SV2C: variants seen among roughly 807,000 people sequenced by gnomAD.
The protein encoded by SV2C is synaptic vesicle glycoprotein 2C.
In SV2C, 49 loss-of-function variants were observed where a neutral mutation model predicts 79.7. The observed-to-expected ratio is 0.61, with a 90% CI of 0.49 to 0.78. SV2C has a LOEUF of 0.78. Ranked by LOEUF, SV2C falls within the 30% of genes least tolerant of loss-of-function variation. SV2C has a pLI of 0.00. For missense variants in SV2C, 833 were observed against 912.9 expected (o/e 0.91, Z 1.13); for synonymous variants, 334 against 333.2 (o/e 1.00, Z -0.03).
At chr5:76,318,161 G>A (rs1811339) in intron 12 of SV2C, among the ~76,000 whole-genome samples, 3,032 of 152,080 alleles carry the variant, frequency 0.02, 111 homozygotes, top group African/African-American at 0.067. Context: ...GGCTCATGCC[G>A]GTAATCCCAG....
rs1749223353 is a variant in SV2C at position 76,332,766 on chromosome 5, AGTT to A, written c.*7223_*7225del. On this transcript the variant is annotated 3_prime_UTR_variant, in exon 13 of 13. Coordinates refer to ENST00000502798, the MANE Select transcript of SV2C (RefSeq NM_014979.4). The stretch of plus-strand genomic sequence containing the variant: ...TCAGACTCCTCCTAACCCCTAAGAC[AGTT>A]GTTAAACATTTGCCAGCATACCACC... 6.6e-6 allele frequency: 1 copy of A among 152,238 alleles called. No individual in the cohort carries two copies. Among genetic ancestry groups the A allele is most frequent in the African/African-American group, 2.4e-5 (1 of 41,456 alleles). The allele number at this position is 152,238 out of a possible 1,614,324, so 9.4% of individuals were successfully genotyped here.
chr5:76,059,995 A>G, the SV2C span, among the ~76,000 whole-genome samples: 1 of 152,108 alleles, frequency 6.6e-6, no homozygotes, highest in African/African-American at 2.4e-5. Context: ...TGCATTGTCA[A>G]TGAGCAGTAA....
At position 76,277,405 on chromosome 5, in the gene SV2C, C is replaced by T. The variant is rs564263888; in HGVS notation, c.914-7757C>T. On this transcript the variant is annotated intron_variant, in intron 4 of 12. Transcript: ENST00000502798. ...GATATATTTACACAACGGAATACTA[C>T]AACACAATGAAAAAGAACAAACCAC... 2.0e-5 allele frequency among the ~76,000 whole-genome samples: 3 copies of T among 152,312 alleles called. No individual in the cohort carries two copies. In the East Asian group the frequency reaches 5.8e-4, roughly 29 times the overall value.
At chr5:76,039,647 T>G in the SV2C span, among the ~76,000 whole-genome samples, 1 of 150,818 alleles carries the variant, frequency 6.6e-6, no homozygotes, top group Non-Finnish European at 1.5e-5. Flanking sequence ...TCCCAGCTAC[T>G]CGAGAGGCAG....
the SV2C span, among the ~76,000 whole-genome samples, chr5:76,008,996 C>T: frequency 6.6e-6 from 1 of 152,256 alleles, no homozygotes; most frequent in South Asian, 2.1e-4. Flanking sequence ...CTCCATGGTG[C>T]ACTTCCTCAG....
chr5:75,971,957 G>T, the SV2C span, among the ~76,000 whole-genome samples: 6 of 152,168 alleles, frequency 3.9e-5, no homozygotes, highest in Non-Finnish European at 8.8e-5. Context: ...AAAACAGCAT[G>T]GTACTGGTAC....
chr5:76,273,439 A>G (rs762862753), intron 4 of SV2C, among the ~76,000 whole-genome samples: 11 of 151,336 alleles, frequency 7.3e-5, no homozygotes, highest in Non-Finnish European at 1.3e-4. Flanking sequence ...CCCCTCATTC[A>G]CTCTTTGCAT....
At chr5:76,304,575 G>A (rs1251808626) in intron 12 of SV2C, among the ~76,000 whole-genome samples, 1 of 152,192 alleles carries the variant, frequency 6.6e-6, no homozygotes, top group East Asian at 1.9e-4. Context: ...AATTTATAAA[G>A]AAGAGAAATT....
chr5:75,913,579 T>C, the SV2C span, among the ~76,000 whole-genome samples: 1 of 152,152 alleles, frequency 6.6e-6, no homozygotes, highest in Non-Finnish European at 1.5e-5. Context: ...ACCACATGTA[T>C]ATTGTGTGTA....
chr5:76,347,832 T>C (rs1386106148), intron 12 of SV2C, among the ~76,000 whole-genome samples: 1 of 152,076 alleles, frequency 6.6e-6, no homozygotes. Context: ...TTCCCAAATA[T>C]CCCCTGCCCT....
At chr5:75,909,747 C>T in the SV2C span, among the ~76,000 whole-genome samples, 1 of 152,236 alleles carries the variant, frequency 6.6e-6, no homozygotes, top group East Asian at 1.9e-4. Context: ...AATATGCAAA[C>T]CAATTAACCT....
At chr5:76,055,489 T>A in the SV2C span, among the ~76,000 whole-genome samples, 1 of 152,208 alleles carries the variant, frequency 6.6e-6, no homozygotes, top group African/African-American at 2.4e-5. Flanking sequence ...AAGCTCTTTT[T>A]TGGTTCCATA....
At chr5:76,086,389 C>A (rs947115323) in intron 1 of SV2C, among the ~76,000 whole-genome samples, 4 of 152,196 alleles carry the variant, frequency 2.6e-5, no homozygotes, top group Non-Finnish European at 5.9e-5. Context: ...GGCTCCTTAA[C>A]CAGCCCACTG....
the SV2C span, among the ~76,000 whole-genome samples, chr5:75,867,369 A>G: frequency 6.6e-6 from 1 of 152,172 alleles, no homozygotes; most frequent in Non-Finnish European, 1.5e-5. Flanking sequence ...GCTGGCTGGG[A>G]CAGAGGACAG....
At chr5:76,070,748 C>T in the SV2C span, among the ~76,000 whole-genome samples, 4 of 152,244 alleles carry the variant, frequency 2.6e-5, no homozygotes, top group African/African-American at 4.8e-5. Flanking sequence ...GAAATCTCTT[C>T]ACTGAGCATT....
In SV2C at chr5:76,306,896, A is replaced by G. The variant is rs572149226; in HGVS notation, c.2000+5351A>G. ...AGAGAAGACAATATTTAAAAGATAG[A>G]TAAGATCCAGTGTTCTCTGGGGCAA... On this transcript the variant is annotated intron_variant, in intron 12 of 12. Coordinates refer to ENST00000502798, the MANE Select transcript of SV2C (RefSeq NM_014979.4). 1.9e-4 allele frequency among the ~76,000 whole-genome samples: 29 copies of G among 152,354 alleles called. No homozygotes were observed. In the South Asian group the frequency reaches 5.2e-3, roughly 27 times the overall value.
chr5:76,353,363 T>C (rs1438869487), exon 13 of SV2C: 2 of 215,112 alleles, frequency 9.3e-6, no homozygotes, highest in East Asian at 3.2e-4. Context: ...TTTTGCCTTG[T>C]AGAAATATCC....
chr5:76,109,424 T>C (rs892798200), intron 1 of SV2C, among the ~76,000 whole-genome samples: 1 of 152,214 alleles, frequency 6.6e-6, no homozygotes, highest in Non-Finnish European at 1.5e-5. Flanking sequence ...TTATAATTCT[T>C]CTTAAGTATA....
At chr5:75,957,091 T>C in the SV2C span, among the ~76,000 whole-genome samples, 5 of 151,944 alleles carry the variant, frequency 3.3e-5, no homozygotes, top group Admixed American at 2.6e-4. Flanking sequence ...AAGAAAGATA[T>C]ACTTAGCAGC....
Sources: allele counts gnomAD v4.1 joint callset (sites outside exome capture counted in the v4.1 genomes callset), GRCh38; gene constraint gnomAD v4.1.1; transcripts MANE v1.5; gene names NCBI Gene and HGNC (gene_info 2026-07-23, HGNC 2026-07-21).